Variants in LRTM1 observed in about 807,000 individuals in gnomAD.
LRTM1 encodes the protein leucine rich repeat transmembrane protein 1, also known as leucine-rich repeat and transmembrane domain-containing protein 1.
A neutral mutation model predicts 32.4 loss-of-function variants in LRTM1; 38 were observed. The ratio of observed to expected loss-of-function variants is 1.17; its 90% CI spans 0.91 to 1.54. LRTM1 has a LOEUF of 1.54. LRTM1 is among the 40% of genes most tolerant of loss of function. The pLI is 0.00. For missense variants in LRTM1, 466 were observed against 415.4 expected, an observed-to-expected ratio of 1.12 and a Z score of -1.06; for synonymous variants, 186 against 169.9, an observed-to-expected ratio of 1.09 and a Z score of -0.74.
chr3:54,925,108 G>C lies in LRTM1; in HGVS notation c.115C>G (p.Gln39Glu). The part of the protein sequence containing the change: ...SSTNFVDCSQ[Q>E]GLAEIPSHLP... ...TGGGAAGGGATTTCGGCCAGACCCT[G>C]CTGGCTGCAGTCTACAAAATTTGTA... is the stretch of plus-strand genomic sequence containing the variant. Residue 39 changes from glutamine (Q) to glutamate (E), a missense_variant, in exon 2 of 3, where the codon CAG becomes GAG. Coordinates refer to ENST00000273286, the MANE Select transcript of LRTM1 (RefSeq NM_020678.4). 2 of 1,614,110 alleles carry C rather than the reference G, an allele frequency of 1.2e-6. No homozygotes were observed. Among genetic ancestry groups the C allele is most frequent in the Non-Finnish European group, 1.7e-6 (2 of 1,179,994 alleles).
chr3:54,925,711 A>G (rs764059950), intron 1 of LRTM1, among the ~76,000 whole-genome samples: 1 of 152,234 alleles, frequency 6.6e-6, no homozygotes, highest in Non-Finnish European at 1.5e-5. Context: ...GCCAATAGCC[A>G]TGTGTGGCTA....
chr3:54,950,899 G>A (rs1701741628), intron 1 of LRTM1, among the ~76,000 whole-genome samples: 1 of 152,214 alleles, frequency 6.6e-6, no homozygotes, highest in Non-Finnish European at 1.5e-5. Context: ...ACAAGATGGG[G>A]TGAGAGGGAA....
At chr3:54,933,746 A>G (rs765399118) in intron 1 of LRTM1, among the ~76,000 whole-genome samples, 1 of 147,316 alleles carries the variant, frequency 6.8e-6, no homozygotes, top group Non-Finnish European at 1.5e-5. Flanking sequence ...GAATGAATAA[A>G]GATATTACTA....
In LRTM1 at chr3:54,924,871, AAAGT is replaced by A; in HGVS notation, c.348_351del (p.Arg116SerfsTer8). 6.2e-7 allele frequency: 1 copy of A among 1,613,800 alleles called. No homozygotes were observed. The highest frequency in any genetic ancestry group is 8.5e-7 in the Non-Finnish European group (1 of 1,179,756). On this transcript the variant is annotated frameshift_variant, in exon 2 of 3. Coordinates refer to ENST00000273286, the MANE Select transcript of LRTM1 (RefSeq NM_020678.4). LOFTEE classifies it high-confidence loss of function. ...TCCCTCAGCTGAGGGAGGGAATGGAAAAGTCTGCTTTCCAGGGAAAGGAGTGAAT... is the reference window on the plus strand; with the variant it reads ...TCCCTCAGCTGAGGGAGGGAATGGAACTGCTTTCCAGGGAAAGGAGTGAAT...
upstream of LRTM1, among the ~76,000 whole-genome samples, chr3:54,929,037 G>A (rs891713800): frequency 6.6e-6 from 1 of 152,128 alleles, no homozygotes; most frequent in South Asian, 2.1e-4. Flanking sequence ...CTGTGTGTAC[G>A]CTTTTATGGA....
At chr3:54,956,581 A>C (rs1030521296) in intron 1 of LRTM1, among the ~76,000 whole-genome samples, 15 of 152,088 alleles carry the variant, frequency 9.9e-5, no homozygotes, top group African/African-American at 3.6e-4. Flanking sequence ...TCCCTCTTCA[A>C]CTGGTCTTAG....
chr3:54,940,721 G>A lies in LRTM1; in HGVS notation c.-221-15506C>T, dbSNP rs182942508. ...TATGAAAAGTCTTTGTACTCTGGAC[G>A]TTCCTTTTGCATTTATTCTGTGCTT... On this transcript the variant is annotated intron_variant, in intron 1 of 2. Coordinates refer to the LRTM1 transcript ENST00000493075. Among the ~76,000 whole-genome samples, 461 of 152,278 alleles carry A rather than the reference G, an allele frequency of 3.0e-3. 1 individual carries two copies. Among genetic ancestry groups the A allele is most frequent in the Non-Finnish European group, 5.2e-3 (351 of 68,026 alleles).
At chr3:54,945,162 C>T (rs1701581408) in intron 1 of LRTM1, among the ~76,000 whole-genome samples, 1 of 152,100 alleles carries the variant, frequency 6.6e-6, no homozygotes, top group South Asian at 2.1e-4. Context: ...ACTCATTTTC[C>T]CAGTTCAGCC....
Position 54,918,502 on chromosome 3 carries a change from C to G in LRTM1, c.995G>C (p.Gly332Ala), listed in dbSNP as rs923923506. Residue 332 changes from glycine to alanine, a missense_variant, in exon 3 of 3, where the codon GGG becomes GCG. Physicochemically the swap from Gly to Ala is moderately conservative, Grantham distance 60. Transcript: ENST00000273286. ...AAATCGCTCTTTTTCTTCCACCTTC[C>G]CAGGATCATTGGTTTGAGCCAAGGG... The part of the protein sequence containing the change: ...GGPLAQTNDP[G>A]KVEEKERFDS... 1.2e-6 allele frequency: 2 copies of G among 1,613,996 alleles called. No individual in the cohort carries two copies. The highest frequency in any genetic ancestry group is 1.7e-6 in the Non-Finnish European group (2 of 1,179,992).
chr3:54,965,732 G>T (rs549951135), intron 1 of LRTM1, among the ~76,000 whole-genome samples: 5 of 152,314 alleles, frequency 3.3e-5, no homozygotes, highest in African/African-American at 9.6e-5. Context: ...CCAGGGGCCA[G>T]TGTTACTGGA....
At chr3:54,940,945 GACTA>G (rs1701450591) in intron 1 of LRTM1, among the ~76,000 whole-genome samples, 1 of 152,158 alleles carries the variant, frequency 6.6e-6, no homozygotes, top group Non-Finnish European at 1.5e-5. Context: ...CTCTTAACAA[GACTA>G]ACTTTGTCAT....
chr3:54,954,539 C>T (rs936923079), intron 1 of LRTM1, among the ~76,000 whole-genome samples: 6 of 152,220 alleles, frequency 3.9e-5, no homozygotes, highest in African/African-American at 7.2e-5. Flanking sequence ...ACCAGCCCTT[C>T]GGCTTCCCTT....
intron 1 of LRTM1, among the ~76,000 whole-genome samples, chr3:54,960,922 A>C (rs1357689642): frequency 6.6e-6 from 1 of 152,228 alleles, no homozygotes; most frequent in Non-Finnish European, 1.5e-5. Flanking sequence ...ATGGGCTCAC[A>C]TTTGATGTAA....
intron 1 of LRTM1, among the ~76,000 whole-genome samples, chr3:54,942,231 A>G (rs534146029): frequency 2.0e-5 from 3 of 152,272 alleles, no homozygotes; most frequent in South Asian, 2.1e-4. Context: ...ACGCCAGCCC[A>G]TGGTCCCTTG....
chr3:54,921,004 G>A (rs182859172), intron 2 of LRTM1, among the ~76,000 whole-genome samples: 71 of 152,314 alleles, frequency 4.7e-4, no homozygotes, highest in African/African-American at 1.7e-3. Context: ...GGTCTCCTGT[G>A]CAGGTGATCC....
chr3:54,949,367 GCCTGCT>G (rs1701698005), intron 1 of LRTM1, among the ~76,000 whole-genome samples: 1 of 152,202 alleles, frequency 6.6e-6, no homozygotes, highest in Non-Finnish European at 1.5e-5. Context: ...AAGGGGACAT[GCCTGCT>G]CAGCTGGCAA....
intron 1 of LRTM1, among the ~76,000 whole-genome samples, chr3:54,942,133 A>G (rs569384114): frequency 3.3e-5 from 5 of 152,356 alleles, no homozygotes; most frequent in African/African-American, 1.2e-4. Flanking sequence ...TACCTTAGCC[A>G]TGGCATCCCA....
chr3:54,930,392 C>A (rs1701154466), upstream of LRTM1, among the ~76,000 whole-genome samples: 3 of 152,174 alleles, frequency 2.0e-5, no homozygotes, highest in Admixed American at 2.0e-4. Context: ...GATTGAAAGG[C>A]ACTCTACTTA....
intron 1 of LRTM1, among the ~76,000 whole-genome samples, chr3:54,934,761 G>A (rs1016126018): frequency 1.2e-4 from 18 of 152,098 alleles, no homozygotes; most frequent in Non-Finnish European, 2.2e-4. Context: ...GAGACAGAGT[G>A]TCACCTGTTG....
Sources: allele counts gnomAD v4.1 joint callset (sites outside exome capture counted in the v4.1 genomes callset), GRCh38; gene constraint gnomAD v4.1.1; transcripts MANE v1.5; gene names NCBI Gene and HGNC (gene_info 2026-07-23, HGNC 2026-07-21).